The following PCBD2 variants were observed in gnomAD, a reference collection of about 807,000 sequenced individuals.
PCBD2 encodes pterin-4 alpha-carbinolamine dehydratase 2, also known as pterin-4-alpha-carbinolamine dehydratase 2.
In PCBD2, 12 loss-of-function variants were observed where a neutral mutation model predicts 16.4. The observed-to-expected ratio is 0.73, with a 90% CI of 0.47 to 1.19. PCBD2 has a LOEUF of 1.19. Among genes scored for constraint, PCBD2 ranks in the 50% most tolerant of loss-of-function variants. The probability of loss-of-function intolerance (pLI) is 0.00; values close to 1 mark genes in which losing one functional copy is unlikely to be tolerated. For missense variants in PCBD2, 138 were observed against 156.8 expected (o/e 0.88, Z 0.64); for synonymous variants, 58 against 61.8 (o/e 0.94, Z 0.29).
chr5:134,936,499 A>C (rs925637743), intron 2 of PCBD2, among the ~76,000 whole-genome samples: 16 of 152,260 alleles, frequency 1.1e-4, no homozygotes, highest in African/African-American at 3.9e-4. Context: ...ACATGCTTTC[A>C]GGAACAGACT....
chr5:134,938,064 G>A (rs1751181690), intron 2 of PCBD2, among the ~76,000 whole-genome samples: 1 of 152,144 alleles, frequency 6.6e-6, no homozygotes, highest in East Asian at 1.9e-4. Context: ...TATCCAGTTG[G>A]GAGCCAAGAC....
In PCBD2 at chr5:134,920,363, G is replaced by A. The variant is rs1221159655; in HGVS notation, c.216+9897G>A. Among the ~76,000 whole-genome samples the A allele has an allele frequency of 3.3e-5, 5 of 152,198 alleles. No individual in the cohort carries two copies. The East Asian group carries it at 9.6e-4, about 29-fold the overall frequency. On this transcript the variant is annotated intron_variant, in intron 2 of 3. Coordinates refer to ENST00000254908, the MANE Select transcript of PCBD2 (RefSeq NM_032151.5). ...CAGCAACATTTTTAGATCCTACTGTGACATAGAAAGGTTGTTTTTTTGATT... is the reference window on the plus strand; with the variant it reads ...CAGCAACATTTTTAGATCCTACTGTAACATAGAAAGGTTGTTTTTTTGATT...
chr5:134,945,858 T>A (rs1751289994), intron 2 of PCBD2, among the ~76,000 whole-genome samples: 1 of 152,140 alleles, frequency 6.6e-6, no homozygotes, highest in South Asian at 2.1e-4. Flanking sequence ...AGCCTCAGAT[T>A]TACAGAGTAG....
At chr5:134,942,027 G>A (rs1177654983) in intron 2 of PCBD2, among the ~76,000 whole-genome samples, 24 of 151,228 alleles carry the variant, frequency 1.6e-4, no homozygotes, top group African/African-American at 5.8e-4. Context: ...CTACTTGGGG[G>A]GGCTGAGGCA....
intron 2 of PCBD2, among the ~76,000 whole-genome samples, chr5:134,939,171 C>A (rs1433695374): frequency 2.6e-5 from 4 of 151,942 alleles, no homozygotes; most frequent in African/African-American, 9.7e-5. Context: ...TGAAAGAAAA[C>A]CCCAACATGT....
chr5:134,944,532 TA>T lies in PCBD2; in HGVS notation c.217-14497del, dbSNP rs148980958. On this transcript the variant is annotated intron_variant, in intron 2 of 3. Transcript: ENST00000254908. ...TAAAGAATTACCTCTTCAGTGACATTAAAAAAAAAAACACAACAACCCAAAA... is the reference window on the plus strand; with the variant it reads ...TAAAGAATTACCTCTTCAGTGACATTAAAAAAAAAACACAACAACCCAAAA... Among the ~76,000 whole-genome samples, 60 of 145,192 alleles carry T rather than the reference TA, an allele frequency of 4.1e-4. 1 individual carries two copies. The highest frequency in any genetic ancestry group is 6.5e-4 in the South Asian group (3 of 4,604).
At chr5:134,925,461 G>T (rs1429636325) in intron 2 of PCBD2, 1 of 398,526 alleles carries the variant, frequency 2.5e-6, no homozygotes, top group East Asian at 3.6e-5. Context: ...CTTTGAAGAA[G>T]GCGTGGGTAC....
At chr5:134,914,455 TC>T (rs112417300) in intron 2 of PCBD2, among the ~76,000 whole-genome samples, 1 of 152,098 alleles carries the variant, frequency 6.6e-6, no homozygotes, top group African/African-American at 2.4e-5. Context: ...ATGTTTTTTT[TC>T]CTGCTGTGTT....
intron 2 of PCBD2, among the ~76,000 whole-genome samples, chr5:134,952,155 C>CT (rs58638262): frequency 2.0e-3 from 272 of 133,482 alleles, no homozygotes; most frequent in Admixed American, 3.1e-3. Flanking sequence ...AAGCTGTTGA[C>CT]TTTTTTTTTT....
intron 2 of PCBD2, among the ~76,000 whole-genome samples, chr5:134,944,937 G>A (rs1751273234): frequency 6.6e-6 from 1 of 152,136 alleles, no homozygotes; most frequent in African/African-American, 2.4e-5. Flanking sequence ...GTCCCAACAG[G>A]ACATAAATTA....
Position 134,910,489 on chromosome 5 carries a change from A to G in PCBD2, c.216+23A>G, listed in dbSNP as rs1349138751. The G allele has an allele frequency of 3.7e-6, 6 of 1,612,830 alleles. No individual in the cohort carries two copies. In the African/African-American group the frequency reaches 4.0e-5, roughly 11 times the overall value. On this transcript the variant is annotated intron_variant, in intron 2 of 3. Transcript: ENST00000254908. ...CAGGTAATTGTTATAAATTCTTGCT[A>G]GGGCTGTGGTCTATTTTAGTCACCT... is the stretch of plus-strand genomic sequence containing the variant.
At chr5:134,953,726 GGGAGGC>G (rs1751384642) in intron 2 of PCBD2, among the ~76,000 whole-genome samples, 1 of 152,098 alleles carries the variant, frequency 6.6e-6, no homozygotes, top group Non-Finnish European at 1.5e-5. Context: ...GCTTGAACCT[GGGAGGC>G]GGAGGTTGCA....
At chr5:134,941,476 G>A (rs912823709) in intron 2 of PCBD2, among the ~76,000 whole-genome samples, 13 of 152,206 alleles carry the variant, frequency 8.5e-5, no homozygotes, top group Admixed American at 2.6e-4. Flanking sequence ...AAACTGCAAT[G>A]TATGTTGATA....
intron 2 of PCBD2, among the ~76,000 whole-genome samples, chr5:134,942,770 C>A (rs1034634014): frequency 6.6e-6 from 1 of 152,060 alleles, no homozygotes; most frequent in African/African-American, 2.4e-5. Context: ...TGGTTCATAT[C>A]ATCTCATCTT....
chr5:134,939,473 C>A (rs541090175), intron 2 of PCBD2, among the ~76,000 whole-genome samples: 4 of 151,964 alleles, frequency 2.6e-5, no homozygotes, highest in African/African-American at 9.6e-5. Context: ...TTAGGGAAAT[C>A]GGAAGCAGTC....
intron 2 of PCBD2, chr5:134,925,807 A>G: frequency 2.5e-6 from 1 of 395,600 alleles, no homozygotes; most frequent in Non-Finnish European, 4.5e-6. Context: ...TGCTGCTGCT[A>G]GGAGGAAGCC....
intron 1 of PCBD2, among the ~76,000 whole-genome samples, chr5:134,907,696 C>T (rs1286503664): frequency 6.6e-6 from 1 of 151,068 alleles, no homozygotes; most frequent in South Asian, 2.1e-4. Context: ...GATCTCGGCT[C>T]ACTGCAACCT....
chr5:134,959,226 C>A, intron 3 of PCBD2, 106 bp downstream of exon 3: 3 of 784,054 alleles, frequency 3.8e-6, no homozygotes, highest in Non-Finnish European at 6.0e-6. Context: ...TTAAGAAAGT[C>A]TTATCCTTTC....
chr5:134,952,792 C>T (rs752741398), intron 2 of PCBD2, among the ~76,000 whole-genome samples: 13 of 149,688 alleles, frequency 8.7e-5, no homozygotes, highest in South Asian at 2.1e-4. Context: ...GGAGATAGAG[C>T]GAGACCCTGT....
Sources: gnomAD v4.1 joint callset for allele counts (sites outside exome capture counted in the v4.1 genomes callset) on GRCh38, gnomAD v4.1.1 for gene constraint, MANE v1.5 for transcripts, NCBI Gene and HGNC (gene_info 2026-07-23, HGNC 2026-07-21) for gene names.